The following LRP12 variants were observed in gnomAD, a reference collection of about 807,000 sequenced individuals.
LRP12 encodes the protein LDL receptor related protein 12.
A neutral mutation model predicts 66.0 loss-of-function variants in LRP12; 14 were observed. The ratio of observed to expected loss-of-function variants is 0.21; its 90% CI spans 0.14 to 0.33. LRP12 has a LOEUF of 0.33. Ranked by LOEUF, LRP12 falls within the 10% of genes least tolerant of loss-of-function variation. The pLI is 1.00. For missense variants in LRP12, 889 were observed against 1,053.4 expected (o/e 0.84, Z 2.16); for synonymous variants, 357 against 359.1 (o/e 0.99, Z 0.07).
intron 6 of LRP12, among the ~76,000 whole-genome samples, chr8:104,491,863 T>C (rs2140826318): frequency 6.6e-6 from 1 of 152,210 alleles, no homozygotes; most frequent in South Asian, 2.1e-4. Context: ...ACATGAAAAG[T>C]GTACCAAAGC....
rs766863707 is a variant in LRP12, at chr8:104,495,214, G to C, written c.1581-5C>G. ...GACAACTGTGTTTCAAATGATCTTT[G>C]AGAGTAGATGGAAAGAAAAATGATT... On this transcript the variant is annotated splice_region_variant and splice_polypyrimidine_tract_variant and intron_variant, in intron 5 of 6. Coordinates refer to ENST00000276654, the MANE Select transcript of LRP12 (RefSeq NM_013437.5). 6.2e-7 allele frequency: 1 copy of C among 1,603,608 alleles called. No individual in the cohort carries two copies. Among genetic ancestry groups the C allele is most frequent in the Non-Finnish European group, 8.5e-7 (1 of 1,176,436 alleles).
chr8:104,490,997 C>T lies in LRP12; in HGVS notation c.2256G>A (p.Gln752=), dbSNP rs1167506784. Residue 752 remains glutamine (Q), a synonymous_variant, in exon 7 of 7, where the codon CAG becomes CAA. Coordinates refer to ENST00000276654, the MANE Select transcript of LRP12 (RefSeq NM_013437.5). ...CAAGTTGTCTCAAAGGACTCTGGTT[C>T]TGACTTAGGGAACTTGATCGTCCTA... ...FTLGRSSSLS[Q]NQSPLRQLDN... 3 of 1,614,100 alleles carry T rather than the reference C, an allele frequency of 1.9e-6. No individual in the cohort carries two copies. The highest frequency in any genetic ancestry group is 1.1e-5 in the South Asian group (1 of 91,078).
intron 5 of LRP12, among the ~76,000 whole-genome samples, chr8:104,496,672 A>G (rs1810732513): frequency 6.6e-6 from 1 of 152,214 alleles, no homozygotes; most frequent in Admixed American, 6.5e-5. Context: ...TTAGAAAAAT[A>G]CAGGTTAAAA....
At chr8:104,524,317 G>A (rs1433129319) in intron 2 of LRP12, among the ~76,000 whole-genome samples, 1 of 150,136 alleles carries the variant, frequency 6.7e-6, no homozygotes, top group Non-Finnish European at 1.5e-5. Flanking sequence ...TGTTTATGTT[G>A]TTGTTAAGAT....
chr8:104,582,655 C>T (rs1812270157), intron 1 of LRP12, among the ~76,000 whole-genome samples: 1 of 152,124 alleles, frequency 6.6e-6, no homozygotes. Context: ...CTGAGTTCTC[C>T]ACAGAACCCT....
intron 1 of LRP12, among the ~76,000 whole-genome samples, chr8:104,541,336 T>C (rs1360797145): frequency 6.6e-6 from 1 of 152,150 alleles, no homozygotes; most frequent in Non-Finnish European, 1.5e-5. Context: ...GAGCTACTGA[T>C]AAAAGAGCTC....
intron 1 of LRP12, among the ~76,000 whole-genome samples, chr8:104,568,143 A>G (rs1288999354): frequency 6.6e-6 from 1 of 152,180 alleles, no homozygotes; most frequent in Non-Finnish European, 1.5e-5. Flanking sequence ...TTGATTTTCA[A>G]CAAGGGTGCC....
intron 2 of LRP12, among the ~76,000 whole-genome samples, chr8:104,515,589 C>T (rs2140848664): frequency 6.6e-6 from 1 of 152,208 alleles, no homozygotes; most frequent in East Asian, 1.9e-4. Flanking sequence ...ACTATGAAAA[C>T]AAAACAATTT....
Position 104,499,539 on chromosome 8 carries a change from T to C in LRP12, c.273-20A>G, listed in dbSNP as rs1015724563. 6 of 1,562,524 alleles carry C rather than the reference T, an allele frequency of 3.8e-6. No homozygotes were observed. The African/African-American group carries it at 5.5e-5, about 14-fold the overall frequency. ...TGAAAACTGAAAAAAAAATCAGAAA[T>C]GTCTATTAAAAAGTCAATTTTGGAA... On this transcript the variant is annotated intron_variant, in intron 3 of 6. Transcript: ENST00000276654.
chr8:104,577,759 C>T (rs1588511255), intron 1 of LRP12, among the ~76,000 whole-genome samples: 1 of 134,710 alleles, frequency 7.4e-6, no homozygotes, highest in South Asian at 2.3e-4. Context: ...TGCAGTGAGC[C>T]AAGACTGCGC....
Position 104,497,088 on chromosome 8 carries a change from G to C in LRP12, c.1464C>G (p.Ile488Met), listed in dbSNP as rs374156222. 5.6e-6 allele frequency: 9 copies of C among 1,613,464 alleles called. No individual in the cohort carries two copies. The highest frequency in any genetic ancestry group is 1.7e-5 in the Admixed American group (1 of 59,962). ...CAGCAGTGATGACTCTTGTAGGCACGATTACTGGGCAATTTTCTTCATCGC... is the reference window on the plus strand; with the variant it reads ...CAGCAGTGATGACTCTTGTAGGCACCATTACTGGGCAATTTTCTTCATCGC... ...DGSDEENCPVIVPTRVITAAV... is the reference protein window; with the variant it reads ...DGSDEENCPVMVPTRVITAAV... The change falls in exon 5 of 7, where the codon ATC (isoleucine) becomes ATG (methionine). Residue 488 changes from isoleucine to methionine, a missense_variant. Ile to Met is a conservative substitution (Grantham distance 10). Around this residue, in one of 3 missense-constraint regions of LRP12, gnomAD observed 800 missense variants for 964.5 expected, o/e 0.83. Transcript: ENST00000276654. This position sits in a 1 kb window ranked among gnomAD's most constrained non-coding sequence, Gnocchi z 4.3.
intron 1 of LRP12, among the ~76,000 whole-genome samples, chr8:104,544,809 A>G (rs1811531361): frequency 6.6e-6 from 1 of 152,182 alleles, no homozygotes; most frequent in Non-Finnish European, 1.5e-5. Flanking sequence ...ATGGAGATAT[A>G]TAAGGAAATC....
At chr8:104,495,309 T>C (rs1810706886) in intron 5 of LRP12, 100 bp from the exon 6 acceptor site, 1 of 1,178,906 alleles carries the variant, frequency 8.5e-7, no homozygotes, top group African/African-American at 1.5e-5. Flanking sequence ...TCTTGGCATA[T>C]TTGATCATTT....
chr8:104,570,564 G>A (rs1812062394), intron 1 of LRP12, among the ~76,000 whole-genome samples: 1 of 151,988 alleles, frequency 6.6e-6, no homozygotes, highest in South Asian at 2.1e-4. Flanking sequence ...AACAATTGGT[G>A]GTTATCCATA....
chr8:104,584,715 G>C (rs143951095), intron 1 of LRP12, among the ~76,000 whole-genome samples: 34 of 152,152 alleles, frequency 2.2e-4, no homozygotes, highest in African/African-American at 7.9e-4. Flanking sequence ...ATTCTCCCAA[G>C]GATATGGATA....
chr8:104,552,973 A>C (rs1198970984), intron 1 of LRP12, among the ~76,000 whole-genome samples: 1 of 152,234 alleles, frequency 6.6e-6, no homozygotes, highest in East Asian at 1.9e-4. Context: ...TCACTGGTCC[A>C]GATCATGGGA....
At chr8:104,572,224 C>T (rs1249558852) in intron 1 of LRP12, among the ~76,000 whole-genome samples, 8 of 151,796 alleles carry the variant, frequency 5.3e-5, no homozygotes. Context: ...TTAGGAACAT[C>T]TCAGTGGCTA....
intron 2 of LRP12, among the ~76,000 whole-genome samples, chr8:104,510,511 G>A (rs1468591403): frequency 6.6e-6 from 1 of 152,144 alleles, no homozygotes; most frequent in Non-Finnish European, 1.5e-5. Context: ...TTGCAATATA[G>A]TTAACATTAT....
At chr8:104,536,320 T>C (rs776909291) in intron 1 of LRP12, among the ~76,000 whole-genome samples, 7 of 152,206 alleles carry the variant, frequency 4.6e-5, no homozygotes, top group Non-Finnish European at 1.0e-4. Flanking sequence ...TCTCCCATAC[T>C]AGGTTAGGTC....
Sources: gnomAD v4.1 joint callset for allele counts (sites outside exome capture counted in the v4.1 genomes callset) on GRCh38, gnomAD v4.1.1 for gene constraint, gnomAD v4.1.1 regional missense constraint, Gnocchi (gnomAD v3.1) non-coding constraint, MANE v1.5 for transcripts, NCBI Gene and HGNC (gene_info 2026-07-23, HGNC 2026-07-21) for gene names.